Variants in RPTOR observed in about 807,000 individuals in gnomAD.
The protein encoded by RPTOR is regulatory-associated protein of mTOR.
RPTOR carries 21 observed loss-of-function variants against 169.9 expected under a neutral mutation model. That is an observed-to-expected ratio of 0.12 (90% CI 0.09 to 0.18). The LOEUF is 0.18. RPTOR is among the 10% of genes least tolerant of loss of function. The pLI, the probability that RPTOR is intolerant of heterozygous loss-of-function variation, is 1.00. For synonymous variants in RPTOR, 732 were observed against 753.2 expected, an observed-to-expected ratio of 0.97 and a Z score of 0.46; for missense variants, 1,133 against 1,855.9, an observed-to-expected ratio of 0.61 and a Z score of 7.16.
chr17:80,652,700 T>G (rs2065650347), intron 3 of RPTOR, among the ~76,000 whole-genome samples: 1 of 152,236 alleles, frequency 6.6e-6, no homozygotes, highest in Non-Finnish European at 1.5e-5. Context: ...GCTATTTGAA[T>G]AATGCCGCTA....
At chr17:80,778,192 C>G (rs1004120012) in intron 6 of RPTOR, among the ~76,000 whole-genome samples, 4 of 152,166 alleles carry the variant, frequency 2.6e-5, no homozygotes, top group Non-Finnish European at 5.9e-5. Flanking sequence ...GGTGCTAGGC[C>G]AGTGACATCT....
Position 80,960,299 on chromosome 17 carries a change from T to C in RPTOR, c.3605+94T>C, listed in dbSNP as rs1163559742. On this transcript the variant is annotated intron_variant, in intron 30 of 33. Transcript: ENST00000306801. The surrounding 1 kb of genome is among the most constrained non-coding windows in gnomAD (Gnocchi z 4.8). ...ACTGCCATTTGGTTGGGTCCAGGTT[T>C]CTCAGTGAGATGCAAAGCTTCCCCA... 1.3e-6 allele frequency: 2 copies of C among 1,529,162 alleles called. No individual in the cohort carries two copies. Among genetic ancestry groups the C allele is most frequent in the Non-Finnish European group, 1.8e-6 (2 of 1,117,448 alleles). 94.7% of individuals were successfully genotyped at this position (1,529,162 alleles called of 1,614,324 possible). A position where few individuals can be genotyped will look rare whatever the true frequency, so the allele number is the denominator to read the frequency against.
chr17:80,831,691 ATGTATCCCTGTGTGTCACTG>A (rs1465634705), intron 9 of RPTOR, among the ~76,000 whole-genome samples: 6 of 152,100 alleles, frequency 3.9e-5, no homozygotes, highest in Non-Finnish European at 5.9e-5. Flanking sequence ...GTGTATCACT[ATGTATCCCTGTGTGTCACTG>A]TGTATCCCTG....
At chr17:80,851,998 C>T (rs2067798198) in intron 11 of RPTOR, among the ~76,000 whole-genome samples, 2 of 152,214 alleles carry the variant, frequency 1.3e-5, no homozygotes, top group African/African-American at 4.8e-5. Flanking sequence ...CATGGCGAGA[C>T]CTGCCTCCTC....
chr17:80,892,777 T>A lies in RPTOR; in HGVS notation c.2150T>A (p.Leu717His), dbSNP rs774420445. 6.2e-7 allele frequency: 1 copy of A among 1,614,180 alleles called. No individual in the cohort carries two copies. The highest frequency in any genetic ancestry group is 8.5e-7 in the Non-Finnish European group (1 of 1,180,026). Residue 717 changes from leucine to histidine, a missense_variant, in exon 19 of 34, where the codon CTT becomes CAT. Physicochemically the swap from Leu to His is moderately conservative, Grantham distance 99. Coordinates refer to ENST00000306801, the MANE Select transcript of RPTOR (RefSeq NM_020761.3). ...PVRDSPCTPR[L>H]RSVSSYGNIR... ...CGAGACAGCCCGTGCACCCCCAGAC[T>A]TCGTTCTGTGAGCTCCTATGGAAAC...
rs950687307 is a variant in RPTOR at position 80,708,985 on chromosome 17, C to T, written c.507+986C>T. 3.6e-5 allele frequency: 35 copies of T among 985,628 alleles called. No homozygotes were observed. The highest frequency in any genetic ancestry group is 4.2e-5 in the Non-Finnish European group (35 of 829,990). The allele number at this position is 985,628 out of a possible 1,614,324, so 61.1% of individuals were successfully genotyped here. On this transcript the variant is annotated intron_variant, in intron 4 of 33. Transcript: ENST00000306801. This position sits in a 1 kb window ranked among gnomAD's most constrained non-coding sequence, Gnocchi z 4.2. The stretch of plus-strand genomic sequence containing the variant: ...CTTCACACACTGAACTCTCGGTTCC[C>T]GCCTACCGTCCCGGGTTCGCAGCTA...
At chr17:80,948,902 C>T (rs2069137194) in intron 27 of RPTOR, among the ~76,000 whole-genome samples, 1 of 152,168 alleles carries the variant, frequency 6.6e-6, no homozygotes, top group South Asian at 2.1e-4. Flanking sequence ...CTGCCCACGT[C>T]TTAGGCGGAG....
chr17:80,728,473 A>G (rs1007289317), intron 4 of RPTOR, among the ~76,000 whole-genome samples: 1 of 75,656 alleles, frequency 1.3e-5, no homozygotes, highest in African/African-American at 4.2e-5. Context: ...GTGTGTGTGT[A>G]ATCTCAGATA....
intron 1 of RPTOR, among the ~76,000 whole-genome samples, chr17:80,612,600 A>G (rs978584716): frequency 6.6e-6 from 1 of 152,226 alleles, no homozygotes; most frequent in African/African-American, 2.4e-5. Context: ...CCTGTGTCTT[A>G]TGTACAAAGA....
intron 2 of RPTOR, among the ~76,000 whole-genome samples, chr17:80,626,718 GTTTT>G (rs34961841): frequency 7.2e-6 from 1 of 138,670 alleles, no homozygotes; most frequent in African/African-American, 2.7e-5. Context: ...TCCAGAGACT[GTTTT>G]TTTTTTTTTT....
chr17:80,575,882 G>A (rs1373544394), intron 1 of RPTOR, among the ~76,000 whole-genome samples: 2 of 152,016 alleles, frequency 1.3e-5, no homozygotes, highest in Non-Finnish European at 2.9e-5. Flanking sequence ...CTGCCCATTT[G>A]TGCTTCATTT....
intron 5 of RPTOR, among the ~76,000 whole-genome samples, chr17:80,750,443 C>T (rs2066619730): frequency 6.6e-6 from 1 of 152,232 alleles, no homozygotes; most frequent in South Asian, 2.1e-4. Context: ...CCACGGAGGT[C>T]TGCCTCAGAT....
At chr17:80,902,281 C>T (rs2068485695) in intron 20 of RPTOR, among the ~76,000 whole-genome samples, 1 of 152,230 alleles carries the variant, frequency 6.6e-6, no homozygotes, top group African/African-American at 2.4e-5. Context: ...GAGGCCAAAC[C>T]ATTGTCTGAC....
chr17:80,566,305 T>G (rs2064839192), intron 1 of RPTOR, among the ~76,000 whole-genome samples: 1 of 152,192 alleles, frequency 6.6e-6, no homozygotes, highest in Non-Finnish European at 1.5e-5. Context: ...CAAATAGAGA[T>G]AGCGCGGTAA....
chr17:80,603,581 A>G (rs542923281), intron 1 of RPTOR, among the ~76,000 whole-genome samples: 11 of 152,336 alleles, frequency 7.2e-5, no homozygotes, highest in African/African-American at 2.4e-4. Context: ...CACAGGACTC[A>G]GGATCTAATA....
intron 17 of RPTOR, among the ~76,000 whole-genome samples, chr17:80,891,344 G>T (rs183768812): frequency 1.3e-5 from 2 of 152,254 alleles, no homozygotes; most frequent in South Asian, 4.1e-4. Context: ...GATCTAGAGC[G>T]GCGTTTTCAG....
rs528646640 is a variant in RPTOR, at chr17:80,702,298, A to T, written c.349-5543A>T. 2.0e-5 allele frequency among the ~76,000 whole-genome samples: 3 copies of T among 152,064 alleles called. No homozygotes were observed. The East Asian group carries it at 5.8e-4, about 29-fold the overall frequency. ...TTCTTTTATTATCTTCTGCTGTCACATCCTCCAAAACTCCTGTGCATATAT... is the reference window on the plus strand; with the variant it reads ...TTCTTTTATTATCTTCTGCTGTCACTTCCTCCAAAACTCCTGTGCATATAT... On this transcript the variant is annotated intron_variant, in intron 3 of 33. Transcript: ENST00000306801.
intron 6 of RPTOR, among the ~76,000 whole-genome samples, chr17:80,777,706 C>T (rs766800271): frequency 9.9e-5 from 15 of 152,186 alleles, no homozygotes; most frequent in Non-Finnish European, 2.2e-4. Flanking sequence ...ACGCCTGCGC[C>T]GACTCCAGCA....
intron 2 of RPTOR, among the ~76,000 whole-genome samples, chr17:80,638,411 CTT>C (rs11399351): frequency 7.9e-5 from 10 of 126,274 alleles, no homozygotes; most frequent in Non-Finnish European, 9.7e-5. Context: ...TTCTTCCTTT[CTT>C]TTTTTTTTTT....
Sources: allele counts gnomAD v4.1 joint callset (sites outside exome capture counted in the v4.1 genomes callset), GRCh38; gene constraint gnomAD v4.1.1; non-coding constraint Gnocchi (gnomAD v3.1); transcripts MANE v1.5; gene names NCBI Gene and HGNC (gene_info 2026-07-23, HGNC 2026-07-21).